Variants in JMJD6 observed in about 807,000 individuals in gnomAD.
The protein encoded by JMJD6 is bifunctional arginine demethylase and lysyl-hydroxylase JMJD6.
Under a neutral mutation model 45.8 loss-of-function variants are expected in JMJD6, and 17 were observed. That is an observed-to-expected ratio of 0.37 (90% CI 0.25 to 0.56). The LOEUF (loss-of-function observed/expected upper bound fraction) is 0.56. Ranked by LOEUF, JMJD6 falls within the 20% of genes least tolerant of loss-of-function variation. JMJD6 has a pLI of 0.79. For synonymous variants in JMJD6, 221 were observed against 196.3 expected (o/e 1.13, Z -1.05); for missense variants, 470 against 517.5 (o/e 0.91, Z 0.89).
intron 5 of JMJD6, among the ~76,000 whole-genome samples, chr17:76,719,175 T>G (rs1269773246): frequency 6.6e-6 from 1 of 152,218 alleles, no homozygotes; most frequent in East Asian, 1.9e-4. Flanking sequence ...TTATAAGATT[T>G]CACTCTACCA....
intron 4 of JMJD6, 127 bp downstream of exon 4, chr17:76,721,671 G>T: frequency 9.4e-7 from 1 of 1,062,472 alleles, no homozygotes; most frequent in Non-Finnish European, 1.4e-6. Context: ...TACCCAGAGG[G>T]TCGGCAGCCC....
At chr17:76,720,710 A>C (rs944176413) in intron 4 of JMJD6, 3 of 473,628 alleles carry the variant, frequency 6.3e-6, no homozygotes, top group African/African-American at 1.9e-5. Context: ...AAGGAAAATT[A>C]TACTAACTAC....
downstream of JMJD6, among the ~76,000 whole-genome samples, chr17:76,718,056 G>C (rs998051092): frequency 1.9e-4 from 29 of 151,194 alleles, no homozygotes; most frequent in South Asian, 4.2e-4. Flanking sequence ...CCAGCTACTT[G>C]GGAGGCTGAG....
intron 5 of JMJD6, 58 bp from the exon 6 acceptor site, chr17:76,718,918 T>G (rs2076790994): frequency 3.2e-6 from 5 of 1,557,538 alleles, no homozygotes; most frequent in African/African-American, 1.4e-5. Flanking sequence ...ACTTCTTCAT[T>G]AAACAAACCT....
chr17:76,715,697 A>G (rs2076758947), downstream of JMJD6: 1 of 152,124 alleles, frequency 6.6e-6, no homozygotes, highest in Non-Finnish European at 1.5e-5. Context: ...GGCCTTGACA[A>G]CCCCTCTTAT....
chr17:76,726,581 G>T lies in JMJD6; in HGVS notation c.-106C>A. The T allele has an allele frequency of 7.0e-7, 1 of 1,419,564 alleles. No individual in the cohort carries two copies. The highest frequency in any genetic ancestry group is 9.3e-7 in the Non-Finnish European group (1 of 1,072,004). The allele number at this position is 1,419,564 out of a possible 1,614,324, so 87.9% of individuals were successfully genotyped here. On this transcript the variant is annotated 5_prime_UTR_variant, in exon 1 of 6. Coordinates refer to ENST00000397625, the MANE Select transcript of JMJD6 (RefSeq NM_015167.3). ...GCGGCGGCGACGGCAGTACCCAAAC[G>T]CCCTTCGCTCAGTCCCGGCGCCTTT...
chr17:76,725,113 A>C (rs911657168), intron 2 of JMJD6, among the ~76,000 whole-genome samples: 2 of 152,184 alleles, frequency 1.3e-5, no homozygotes, highest in Admixed American at 6.5e-5. Context: ...GTTGTAGATA[A>C]GATTTTAACC....
chr17:76,723,839 T>C lies in JMJD6; in HGVS notation c.738A>G (p.Pro246=), dbSNP rs751954736. 2 of 1,614,208 alleles carry C rather than the reference T, an allele frequency of 1.2e-6. No homozygotes were observed. Among genetic ancestry groups the C allele is most frequent in the South Asian group, 2.2e-5 (2 of 91,086 alleles). The change falls in exon 3 of 6, where the codon CCA becomes CCG. Residue 246 remains proline, a synonymous_variant. Transcript: ENST00000397625. ...GGGGTTTGAATTCAGGTGGCCAGGT[T>C]GGAAGCTGTGTCCGGGGATAAATAA... ...FNVIYPRTQL[P]TWPPEFKPLE... is the part of the protein sequence containing the mutation.
rs371187801 is a variant in JMJD6 at position 76,718,867 on chromosome 17, A to T, written c.1081-7T>A. The T allele has an allele frequency of 9.3e-6, 15 of 1,610,804 alleles. No homozygotes were observed. Among genetic ancestry groups the T allele is most frequent in the Non-Finnish European group, 1.3e-5 (15 of 1,178,792 alleles). The stretch of plus-strand genomic sequence containing the variant: ...CCTCGGATCCAGACTCGCACTGGAC[A>T]CAGGAGGACAGAAAACAAGGAGTCA... On this transcript the variant is annotated splice_polypyrimidine_tract_variant and splice_region_variant and intron_variant, in intron 5 of 5. Transcript: ENST00000397625.
chr17:76,725,238 G>A (rs1032946404), intron 2 of JMJD6, among the ~76,000 whole-genome samples: 6 of 151,798 alleles, frequency 4.0e-5, no homozygotes, highest in East Asian at 1.9e-4. Flanking sequence ...GTGAAACCCC[G>A]TCTCTACTAA....
chr17:76,726,557 C>T lies in JMJD6; in HGVS notation c.-82G>A. On this transcript the variant is annotated 5_prime_UTR_variant, in exon 1 of 6. Coordinates refer to ENST00000397625, the MANE Select transcript of JMJD6 (RefSeq NM_015167.3). ...CTAACGCACCCCTCCCCGGCCTGGG[C>T]GGCGGCGACGGCAGTACCCAAACGC... 1.3e-6 allele frequency: 2 copies of T among 1,484,122 alleles called. No homozygotes were observed. The highest frequency in any genetic ancestry group is 2.4e-5 in the Admixed American group (1 of 42,386). 91.9% of individuals were successfully genotyped at this position (1,484,122 alleles called of 1,614,324 possible).
Position 76,725,799 on chromosome 17 carries a change from C to G in JMJD6, c.186G>C (p.Arg62=), listed in dbSNP as rs375036353. The G allele has an allele frequency of 6.2e-7, 1 of 1,613,980 alleles. No individual in the cohort carries two copies. The highest frequency in any genetic ancestry group is 1.1e-5 in the South Asian group (1 of 91,080). Residue 62 remains arginine (R), a synonymous_variant, in exon 2 of 6, where the codon CGG becomes CGC. Coordinates refer to ENST00000397625, the MANE Select transcript of JMJD6 (RefSeq NM_015167.3). ...LQLSVEEFVE[R]YERPYKPVVL... is the part of the protein sequence containing the mutation. The stretch of plus-strand genomic sequence containing the variant: ...CCACGGGCTTGTAAGGTCTTTCATA[C>G]CGCTCCACAAATTCTTCCACAGACA...
At chr17:76,720,306 T>G in intron 5 of JMJD6, 54 bp downstream of exon 5, 28 of 1,550,074 alleles carry the variant, frequency 1.8e-5, no homozygotes, top group South Asian at 2.2e-5. Flanking sequence ...TGGTTATGAC[T>G]GAGTTACATG....
At chr17:76,720,925 T>C (rs1328066772) in intron 4 of JMJD6, among the ~76,000 whole-genome samples, 2 of 152,164 alleles carry the variant, frequency 1.3e-5, no homozygotes, top group Non-Finnish European at 2.9e-5. Flanking sequence ...TTGCATTGGT[T>C]AGATTCTATT....
downstream of JMJD6, chr17:76,716,653 T>C (rs199847995): frequency 8.7e-4 from 1,409 of 1,611,684 alleles, 3 homozygotes; most frequent in Non-Finnish European, 8.1e-4. Flanking sequence ...AAGCTTACGC[T>C]GAAAGCACCT....
At chr17:76,714,117 G>A (rs895008438), downstream of JMJD6, 1 of 152,158 alleles carries the variant, frequency 6.6e-6, no homozygotes, top group African/African-American at 2.4e-5. Flanking sequence ...TCCCCTCAAG[G>A]ATGTCACCCT....
chr17:76,723,482 C>T (rs1567999995), intron 3 of JMJD6, among the ~76,000 whole-genome samples: 1 of 151,780 alleles, frequency 6.6e-6, no homozygotes, highest in African/African-American at 2.4e-5. Context: ...ACTCTGTCAC[C>T]CTGGCTGGAG....
intron 5 of JMJD6, among the ~76,000 whole-genome samples, chr17:76,720,056 A>AATCGCTTG (rs1481929307): frequency 6.6e-6 from 1 of 152,196 alleles, no homozygotes; most frequent in Admixed American, 6.5e-5. Flanking sequence ...GAGGCAGGAG[A>AATCGCTTG]ATCGCTTGAA....
downstream of JMJD6, chr17:76,716,801 G>C (rs950145367): frequency 2.0e-6 from 3 of 1,516,754 alleles, no homozygotes; most frequent in African/African-American, 4.1e-5. Context: ...AATGTTAAAA[G>C]CAGGACCCCC....
Sources: allele counts gnomAD v4.1 joint callset (sites outside exome capture counted in the v4.1 genomes callset), GRCh38; gene constraint gnomAD v4.1.1; transcripts MANE v1.5; gene names NCBI Gene and HGNC (gene_info 2026-07-23, HGNC 2026-07-21).